Variants in CERS6 observed in about 807,000 individuals in gnomAD.
The protein encoded by CERS6 is LAG1 homolog, ceramide synthase 6.
In CERS6, 26 loss-of-function variants were observed where a neutral mutation model predicts 56.8. The ratio of observed to expected loss-of-function variants is 0.46; its 90% CI spans 0.34 to 0.63. The LOEUF (loss-of-function observed/expected upper bound fraction) is 0.63, where lower values mean the gene tolerates loss of function less well. CERS6 is among the 30% of genes least tolerant of loss of function. The pLI, the probability that CERS6 is intolerant of heterozygous loss-of-function variation, is 0.01. For synonymous variants in CERS6, 164 were observed against 173.3 expected (o/e 0.95, Z 0.42); for missense variants, 415 against 467.5 (o/e 0.89, Z 1.04).
At chr2:168,464,454 C>T (rs1693834881) in intron 1 of CERS6, among the ~76,000 whole-genome samples, 1 of 152,130 alleles carries the variant, frequency 6.6e-6, no homozygotes, top group Non-Finnish European at 1.5e-5. Context: ...AGCCACCGCA[C>T]CTGGCCTTAT....
intron 3 of CERS6, among the ~76,000 whole-genome samples, chr2:168,621,994 G>A (rs1486162600): frequency 1.3e-5 from 2 of 152,208 alleles, no homozygotes; most frequent in Non-Finnish European, 2.9e-5. Context: ...TTCTGAGTGA[G>A]CATAATTCTT....
At chr2:168,688,385 C>G (rs1015987650) in intron 4 of CERS6, among the ~76,000 whole-genome samples, 2 of 150,490 alleles carry the variant, frequency 1.3e-5, no homozygotes, top group African/African-American at 4.9e-5. Context: ...CCACTATACT[C>G]CAGCCTGGCG....
intron 6 of CERS6, among the ~76,000 whole-genome samples, chr2:168,706,052 G>A (rs1337618669): frequency 6.6e-6 from 1 of 152,174 alleles, no homozygotes; most frequent in Non-Finnish European, 1.5e-5. Flanking sequence ...AGCAAGGCTC[G>A]TAGTGATAGA....
chr2:168,769,540 T>A lies in CERS6; in HGVS notation c.1033T>A (p.Ser345Thr), dbSNP rs771460989. Reference protein sequence around the residue: ...VSKDDRSDIESSSDEEDSEPP... With the variant: ...VSKDDRSDIETSSDEEDSEPP... ...CAAGGATGATCGAAGTGATATTGAG[T>A]CTAGCTCAGATGAGGAGGACTCAGA... Residue 345 changes from serine to threonine, a missense_variant, in exon 10 of 10, where the codon TCT becomes ACT. Coordinates refer to ENST00000305747, the MANE Select transcript of CERS6 (RefSeq NM_203463.3). 1.9e-6 allele frequency: 3 copies of A among 1,609,986 alleles called. No individual in the cohort carries two copies. The East Asian group carries it at 6.7e-5, about 36-fold the overall frequency.
intron 3 of CERS6, among the ~76,000 whole-genome samples, chr2:168,566,090 C>A (rs1234288941): frequency 5.3e-5 from 8 of 152,168 alleles, no homozygotes; most frequent in Admixed American, 5.2e-4. Flanking sequence ...AAATGGCATT[C>A]CTTTCATTTG....
intron 4 of CERS6, among the ~76,000 whole-genome samples, chr2:168,674,287 T>C (rs1018303659): frequency 2.6e-5 from 4 of 152,214 alleles, no homozygotes; most frequent in African/African-American, 7.2e-5. Flanking sequence ...TAAAAATAGA[T>C]GACTTGTGAA....
intron 4 of CERS6, among the ~76,000 whole-genome samples, chr2:168,660,255 A>G (rs79342693): frequency 0.051 from 7,748 of 152,166 alleles, 527 homozygotes; most frequent in African/African-American, 0.15. Flanking sequence ...AGAATCTAAA[A>G]CCTAGCTTTA....
chr2:168,714,947 A>C (rs561887347), intron 6 of CERS6, 54 bp from the exon 7 acceptor site: 2 of 1,551,018 alleles, frequency 1.3e-6, no homozygotes, highest in East Asian at 4.6e-5. Flanking sequence ...TGAATGGCTA[A>C]ATGGAAATGT....
chr2:168,497,276 T>C (rs1216491353), intron 1 of CERS6, among the ~76,000 whole-genome samples: 1 of 152,192 alleles, frequency 6.6e-6, no homozygotes, highest in African/African-American at 2.4e-5. Flanking sequence ...ATTTTCAAAT[T>C]CAACAAATAT....
At chr2:168,647,226 A>G (rs963468001) in intron 4 of CERS6, among the ~76,000 whole-genome samples, 5 of 151,798 alleles carry the variant, frequency 3.3e-5, no homozygotes, top group Non-Finnish European at 1.5e-5. Context: ...TCTAATTATG[A>G]TTGTAGAGAT....
At chr2:168,607,485 G>A (rs566083781) in intron 3 of CERS6, among the ~76,000 whole-genome samples, 9 of 152,184 alleles carry the variant, frequency 5.9e-5, no homozygotes, top group Admixed American at 1.3e-4. Context: ...TGGTTCAAGC[G>A]ATTCTCCTGC....
At chr2:168,642,457 A>T (rs1355304062) in intron 4 of CERS6, among the ~76,000 whole-genome samples, 1 of 152,210 alleles carries the variant, frequency 6.6e-6, no homozygotes, top group African/African-American at 2.4e-5. Context: ...GTGTGTACAT[A>T]CACATATACA....
chr2:168,654,047 T>TA (rs1412883014), intron 4 of CERS6, among the ~76,000 whole-genome samples: 1 of 152,172 alleles, frequency 6.6e-6, no homozygotes, highest in Admixed American at 6.5e-5. Context: ...CTTAAACTGA[T>TA]AAACTGAGAT....
intron 2 of CERS6, among the ~76,000 whole-genome samples, chr2:168,550,310 G>A (rs984278866): frequency 2.0e-5 from 3 of 152,054 alleles, no homozygotes. Context: ...CAAGTAGCTG[G>A]AACTACAGGT....
At chr2:168,680,964 GT>G (rs1686200690) in intron 4 of CERS6, among the ~76,000 whole-genome samples, 1 of 152,188 alleles carries the variant, frequency 6.6e-6, no homozygotes, top group African/African-American at 2.4e-5. Flanking sequence ...TAATGTAATT[GT>G]TTTGGTTACC....
At chr2:168,596,546 T>TCCCCC (rs368692828) in intron 3 of CERS6, among the ~76,000 whole-genome samples, 3 of 106,332 alleles carry the variant, frequency 2.8e-5, no homozygotes, top group Non-Finnish European at 4.0e-5. Flanking sequence ...CAGGGCCCCA[T>TCCCCC]CCCCCCCCCT....
chr2:168,742,020 G>C (rs1683924802), intron 8 of CERS6, among the ~76,000 whole-genome samples: 1 of 152,170 alleles, frequency 6.6e-6, no homozygotes, highest in Non-Finnish European at 1.5e-5. Context: ...TTTGAGCTTT[G>C]ACGTGACTAT....
chr2:168,769,592 C>G lies in CERS6; in HGVS notation c.1085C>G (p.Ala362Gly). Residue 362 changes from alanine to glycine, a missense_variant, in exon 10 of 10, where the codon GCG becomes GGG. Transcript: ENST00000305747. Reference protein sequence around the residue: ...SEPPGKNPHTATTTNGTSGTN... With the variant: ...SEPPGKNPHTGTTTNGTSGTN... ...CCTCCGGGAAAGAATCCCCACACTG[C>G]GACAACCACCAATGGGACCAGTGGT... 2 of 1,612,296 alleles carry G rather than the reference C, an allele frequency of 1.2e-6. No individual in the cohort carries two copies. Among genetic ancestry groups the G allele is most frequent in the African/African-American group, 1.3e-5 (1 of 74,944 alleles).
rs76267975 is a variant in CERS6 at position 168,763,135 on chromosome 2, C to T, written c.846-2457C>T. 7.8e-4 allele frequency among the ~76,000 whole-genome samples: 118 copies of T among 152,240 alleles called. 2 individuals carry two copies. The highest frequency in any genetic ancestry group is 2.6e-3 in the African/African-American group (106 of 41,550). ...AAGCAATCCTCCTACCTCAGCCCCC[C>T]CAAAGTGCTGGGATTACAGGAGTGA... On this transcript the variant is annotated intron_variant, in intron 8 of 9. Transcript: ENST00000305747.
Sources: gnomAD v4.1 joint callset for allele counts (sites outside exome capture counted in the v4.1 genomes callset) on GRCh38, gnomAD v4.1.1 for gene constraint, MANE v1.5 for transcripts, NCBI Gene and HGNC (gene_info 2026-07-23, HGNC 2026-07-21) for gene names.